The following FABP4 variants were observed in gnomAD, a reference collection of about 807,000 sequenced individuals.
FABP4 encodes the protein fatty acid-binding protein, adipocyte.
In FABP4, 17 loss-of-function variants were observed where a neutral mutation model predicts 14.6. The ratio of observed to expected loss-of-function variants is 1.16; its 90% CI spans 0.80 to 1.74. FABP4 has a LOEUF of 1.74. FABP4 is among the 40% of genes most tolerant of loss of function. The probability of loss-of-function intolerance (pLI) is 0.00; values close to 1 mark genes in which losing one functional copy is unlikely to be tolerated. For synonymous variants in FABP4, 54 were observed against 54.6 expected, an observed-to-expected ratio of 0.99 and a Z score of 0.05; for missense variants, 149 against 160.3, an observed-to-expected ratio of 0.93 and a Z score of 0.38.
rs755231928 is a variant in FABP4 at position 81,480,406 on chromosome 8, G to A, written c.246+20C>T. On this transcript the variant is annotated intron_variant, in intron 2 of 3. Coordinates refer to ENST00000256104, the MANE Select transcript of FABP4 (RefSeq NM_001442.3). ...TTTAGAAACCAGGCATGTACTCTGT[G>A]CCACTTCCTTATTTCTCACCTTGAC... 1 of 1,610,872 alleles carries A rather than the reference G, an allele frequency of 6.2e-7. No homozygotes were observed. The highest frequency in any genetic ancestry group is 8.5e-7 in the Non-Finnish European group (1 of 1,177,998).
chr8:81,480,708 C>A, intron 1 of FABP4, 110 bp from the exon 2 acceptor site: 9 of 898,952 alleles, frequency 1.0e-5, no homozygotes, highest in South Asian at 3.0e-5. Context: ...GAAAAAGGCA[C>A]AGAGAGTTTC....
chr8:81,480,390 C>T (rs758500548), intron 2 of FABP4, 36 bp downstream of exon 2: 1 of 1,566,028 alleles, frequency 6.4e-7, no homozygotes, highest in Non-Finnish European at 8.7e-7. Context: ...ATTTAGAAAC[C>T]AGGCATGTAC....
chr8:81,479,366 G>T, intron 3 of FABP4, 48 bp downstream of exon 3: 2 of 1,406,762 alleles, frequency 1.4e-6, no homozygotes, highest in Non-Finnish European at 2.0e-6. Context: ...GTGATCATGA[G>T]ATAACCTAGC....
chr8:81,478,720 C>G lies in FABP4; in HGVS notation c.*145G>C. On this transcript the variant is annotated 3_prime_UTR_variant, in exon 4 of 4. Transcript: ENST00000256104. ...ATCTAAAAAAAGTTTATTTAACCAA[C>G]GTAACCATATTGAATAAAATCAGCT... 1.5e-6 allele frequency: 1 copy of G among 664,620 alleles called. No homozygotes were observed. Among genetic ancestry groups the G allele is most frequent in the Non-Finnish European group, 2.5e-6 (1 of 395,950 alleles). 41.2% of individuals were successfully genotyped at this position (664,620 alleles called of 1,614,324 possible).
intron 1 of FABP4, among the ~76,000 whole-genome samples, chr8:81,482,024 C>A (rs1011120418): frequency 5.9e-5 from 9 of 151,980 alleles, no homozygotes; most frequent in African/African-American, 2.2e-4. Context: ...TAAATGGCCC[C>A]AAATCCTGGC....
intron 2 of FABP4, 147 bp from the exon 3 acceptor site, chr8:81,479,662 T>A: frequency 1.8e-6 from 1 of 560,166 alleles, no homozygotes; most frequent in Non-Finnish European, 3.2e-6. Flanking sequence ...AAAATGAGTC[T>A]CAAAAACAAC....
intron 2 of FABP4, chr8:81,480,084 C>CTGT (rs1397453346): frequency 8.1e-5 from 15 of 184,902 alleles, no homozygotes; most frequent in Non-Finnish European, 1.1e-4. Context: ...TGGCACACAG[C>CTGT]TGTATTACCA....
chr8:81,480,574 AC>A lies in FABP4; in HGVS notation c.97del (p.Val33TrpfsTer9), dbSNP rs1408607229. 1.9e-6 allele frequency: 3 copies of A among 1,612,082 alleles called. No homozygotes were observed. Among genetic ancestry groups the A allele is most frequent in the Middle Eastern group, 3.3e-4 (2 of 6,040 alleles). On this transcript the variant is annotated frameshift_variant, in exon 2 of 4. Transcript: ENST00000256104. LOFTEE classifies it high-confidence loss of function. ...EVGVGFATRK[V>X]AGMAKPNMII... ...CATGTTAGGTTTGGCCATGCCAGCCACTTTCCTGGTGGCAAAGCCCACTCCT... is the reference window on the plus strand; with the variant it reads ...CATGTTAGGTTTGGCCATGCCAGCCATTTCCTGGTGGCAAAGCCCACTCCT...
At position 81,480,546 on chromosome 8, in the gene FABP4, G is replaced by A. The variant is rs1219846533; in HGVS notation, c.126C>T (p.Ile42=). 3.7e-6 allele frequency: 6 copies of A among 1,613,480 alleles called. No homozygotes were observed. The highest frequency in any genetic ancestry group is 1.3e-5 in the African/African-American group (1 of 74,992). The change falls in exon 2 of 4, where the codon ATC becomes ATT. Residue 42 remains isoleucine, a synonymous_variant. Transcript: ENST00000256104. ...TGATCACATCCCCATTCACACTGAT[G>A]ATCATGTTAGGTTTGGCCATGCCAG... ...KVAGMAKPNM[I]ISVNGDVITI...
At chr8:81,481,369 G>C (rs868596978) in intron 1 of FABP4, among the ~76,000 whole-genome samples, 1 of 152,056 alleles carries the variant, frequency 6.6e-6, no homozygotes, top group East Asian at 1.9e-4. Context: ...TTTAAAATAG[G>C]TTAGAAGCCA....
At chr8:81,481,133 C>T (rs1247852918) in intron 1 of FABP4, among the ~76,000 whole-genome samples, 2 of 152,160 alleles carry the variant, frequency 1.3e-5, no homozygotes, top group Non-Finnish European at 2.9e-5. Flanking sequence ...ACAAAAGTCA[C>T]ATTTCATAGC....
chr8:81,479,123 G>A (rs1808021254), intron 3 of FABP4, among the ~76,000 whole-genome samples: 1 of 152,094 alleles, frequency 6.6e-6, no homozygotes, highest in Non-Finnish European at 1.5e-5. Flanking sequence ...CTTAAAATCT[G>A]TATGGTGACT....
intron 3 of FABP4, 132 bp from the exon 4 acceptor site, chr8:81,479,047 C>G: frequency 1.4e-6 from 1 of 739,814 alleles, no homozygotes; most frequent in Non-Finnish European, 2.3e-6. Context: ...TATATGTAAC[C>G]CATATATTGT....
intron 1 of FABP4, 115 bp downstream of exon 1, chr8:81,482,980 C>G: frequency 1.4e-6 from 1 of 705,266 alleles, no homozygotes; most frequent in Non-Finnish European, 2.2e-6. Context: ...CTATAGAAAG[C>G]AGCATTTTTC....
intron 2 of FABP4, chr8:81,480,120 A>G: frequency 4.5e-6 from 1 of 224,024 alleles, no homozygotes. Flanking sequence ...GAAGTGGGAG[A>G]AACACTTGAA....
At position 81,482,725 on chromosome 8, in the gene FABP4, T is replaced by G. The variant is rs2290200; in HGVS notation, c.73+370A>C. On this transcript the variant is annotated intron_variant, in intron 1 of 3. Transcript: ENST00000256104. ...GAAATGAAAATTATTGCATACTAAC[T>G]TTTTTCCAAGTTATTGCTTAATTTA... Among the ~76,000 whole-genome samples, 213 of 152,266 alleles carry G rather than the reference T, an allele frequency of 1.4e-3. 2 individuals are homozygous for G. The East Asian group carries it at 0.037, about 26-fold the overall frequency.
At chr8:81,480,768 T>TAAAAAAAGAAAAAAAAAAAA (rs1808067261) in intron 1 of FABP4, among the ~76,000 whole-genome samples, 170 bp from the exon 2 acceptor site, 1 of 130,302 alleles carries the variant, frequency 7.7e-6, no homozygotes, top group Non-Finnish European at 1.7e-5. Flanking sequence ...GGCCAATACT[T>TAAAAAAAGAAAAAAAAAAAA]AAAAAAAAAA....
At chr8:81,482,671 C>T (rs550859006) in intron 1 of FABP4, among the ~76,000 whole-genome samples, 185 of 152,176 alleles carry the variant, frequency 1.2e-3, no homozygotes, top group African/African-American at 4.3e-3. Context: ...AAGAACCTTG[C>T]ATTAAGGGAA....
At chr8:81,478,967 A>G (rs781588029) in intron 3 of FABP4, 52 bp from the exon 4 acceptor site, 14 of 1,429,140 alleles carry the variant, frequency 9.8e-6, no homozygotes, top group Non-Finnish European at 1.4e-5. Flanking sequence ...CCATGGATTT[A>G]TTTATTGTCT....
Sources: gnomAD v4.1 joint callset for allele counts (sites outside exome capture counted in the v4.1 genomes callset) on GRCh38, gnomAD v4.1.1 for gene constraint, MANE v1.5 for transcripts, NCBI Gene and HGNC (gene_info 2026-07-23, HGNC 2026-07-21) for gene names.